The following NCKIPSD variants were observed in gnomAD, a reference collection of about 807,000 sequenced individuals.
NCKIPSD encodes the protein NCK-interacting protein with SH3 domain.
NCKIPSD carries 48 observed loss-of-function variants against 73.4 expected under a neutral mutation model. The ratio of observed to expected loss-of-function variants is 0.65; its 90% CI spans 0.52 to 0.83. NCKIPSD has a LOEUF of 0.83. Ranked by LOEUF, NCKIPSD falls within the 40% of genes least tolerant of loss-of-function variation. The probability of loss-of-function intolerance (pLI) is 0.00; values close to 1 mark genes in which losing one functional copy is unlikely to be tolerated. For missense variants in NCKIPSD, 884 were observed against 970.2 expected, an observed-to-expected ratio of 0.91 and a Z score of 1.18; for synonymous variants, 422 against 403.6, an observed-to-expected ratio of 1.05 and a Z score of -0.54.
chr3:48,674,611 T>G lies in NCKIPSD; in HGVS notation c.2102A>C (p.Gln701Pro), dbSNP rs1436154698. Residue 701 changes from glutamine (Q) to proline (P), a missense_variant, in exon 13 of 13, where the codon CAG becomes CCG. Physicochemically the swap from Gln to Pro is moderately conservative, Grantham distance 76. Transcript: ENST00000294129. ...CTCTCGGACAATCATGCGGTCCATCTGGCACTGGGGTGAGGTCTCCTCCTC... is the reference window on the plus strand; with the variant it reads ...CTCTCGGACAATCATGCGGTCCATCGGGCACTGGGGTGAGGTCTCCTCCTC... ...LNEEETSPQC[Q>P]MDRMIVREMC... 1 of 1,612,264 alleles carries G rather than the reference T, an allele frequency of 6.2e-7. No homozygotes were observed. The highest frequency in any genetic ancestry group is 1.1e-5 in the South Asian group (1 of 90,500).
At chr3:48,682,314 C>T (rs2077367911) in intron 3 of NCKIPSD, 34 bp downstream of exon 3, 2 of 1,610,204 alleles carry the variant, frequency 1.2e-6, no homozygotes, top group Admixed American at 1.7e-5. Context: ...AAGTTCCACC[C>T]ACCTCCCTTC....
rs948219546 is a variant in NCKIPSD at position 48,685,683 on chromosome 3, C to G, written c.125G>C (p.Ser42Thr). ...AHWWLAARAR[S>T]GETGYVPPAY... Reference sequence around the variant, plus strand: ...TGGCGGCACGTAGCCCGTCTCACCACTGCGCGCCCGCGCGGCCAGCCACCA... The same window carrying G: ...TGGCGGCACGTAGCCCGTCTCACCAGTGCGCGCCCGCGCGGCCAGCCACCA... The change falls in exon 1 of 13, where the codon AGT (serine) becomes ACT (threonine). Residue 42 changes from serine to threonine, a missense_variant. Physicochemically the swap from Ser to Thr is moderately conservative, Grantham distance 58 (BLOSUM62 1). Transcript: ENST00000294129. 2 of 1,526,242 alleles carry G rather than the reference C, an allele frequency of 1.3e-6. No homozygotes were observed. The allele number at this position is 1,526,242 out of a possible 1,614,324, so 94.5% of individuals were successfully genotyped here. A position where few individuals can be genotyped will look rare whatever the true frequency, so the allele number is the denominator to read the frequency against.
At chr3:48,675,528 G>GAC (rs2077240323) in intron 12 of NCKIPSD, among the ~76,000 whole-genome samples, 1 of 122,300 alleles carries the variant, frequency 8.2e-6, no homozygotes, top group Non-Finnish European at 1.6e-5. Context: ...ATATATATAT[G>GAC]ATATATATAT....
intron 1 of NCKIPSD, 123 bp from the exon 2 acceptor site, chr3:48,683,135 T>G: frequency 6.6e-7 from 1 of 1,504,398 alleles, no homozygotes; most frequent in South Asian, 1.2e-5. Context: ...ATGCTAGACA[T>G]AGCACAAAAA....
At chr3:48,679,286 G>C in intron 9 of NCKIPSD, 91 bp downstream of exon 9, 1 of 1,611,810 alleles carries the variant, frequency 6.2e-7, no homozygotes. Context: ...GCCTCTCCCT[G>C]CTAGGCTGTG....
At position 48,678,623 on chromosome 3, in the gene NCKIPSD, T is replaced by C. The variant is rs1353964590; in HGVS notation, c.1906A>G (p.Met636Val). Residue 636 changes from methionine (M) to valine (V), a missense_variant, in exon 12 of 13, where the codon ATG (methionine) becomes GTG (valine). Transcript: ENST00000294129. ...ACAGTGATGTCAATGAGAGCCATCA[T>C]GTCTGTGTGGTAGAAGATGGCAGCT... Reference protein sequence around the residue: ...ATAAIFYHTDMMALIDITVRH... With the variant: ...ATAAIFYHTDVMALIDITVRH... The C allele has an allele frequency of 4.3e-6, 7 of 1,614,084 alleles. No individual in the cohort carries two copies. Among genetic ancestry groups the C allele is most frequent in the East Asian group, 2.2e-5 (1 of 44,890 alleles).
At position 48,682,507 on chromosome 3, in the gene NCKIPSD, A is replaced by C; in HGVS notation, c.327T>G (p.Pro109=). The change falls in exon 3 of 13, where the codon CCT becomes CCG. Residue 109 remains proline (P), a synonymous_variant. Coordinates refer to ENST00000294129, the MANE Select transcript of NCKIPSD (RefSeq NM_016453.4). Reference sequence around the variant, plus strand: ...TCATAACTGCAACACTGGAGGCTGAAGGGCCTCTGCGTGACAGGGTCTCTT... The same window carrying C: ...TCATAACTGCAACACTGGAGGCTGACGGGCCTCTGCGTGACAGGGTCTCTT... ...HRKETLSRRG[P]SASSVAVMTS... 1 of 1,614,162 alleles carries C rather than the reference A, an allele frequency of 6.2e-7. No homozygotes were observed. The highest frequency in any genetic ancestry group is 8.5e-7 in the Non-Finnish European group (1 of 1,180,002).
intron 6 of NCKIPSD, 84 bp from the exon 7 acceptor site, chr3:48,679,971 AG>A (rs2077324198): frequency 1.2e-6 from 2 of 1,610,730 alleles, no homozygotes; most frequent in Non-Finnish European, 1.7e-6. Flanking sequence ...ACATATGTGT[AG>A]GGGAGACTCC....
In NCKIPSD at chr3:48,681,388, A is replaced by G; in HGVS notation, c.991T>C (p.Cys331Arg). 1 of 1,612,476 alleles carries G rather than the reference A, an allele frequency of 6.2e-7. No homozygotes were observed. Among genetic ancestry groups the G allele is most frequent in the South Asian group, 1.1e-5 (1 of 91,024 alleles). ...ACTATGATGCCGATGGCCACCCGGC[A>G]TAATTCGTGGCTCAGGCCAGTGTTT... ...RRNTGLSHEL[C>R]RVAIGIIVGH... The change falls in exon 5 of 13, where the codon TGC (cysteine) becomes CGC (arginine). Residue 331 changes from cysteine (C) to arginine (R), a missense_variant. By Grantham distance (180) the Cys-to-Arg change is radical. Transcript: ENST00000294129.
At chr3:48,678,507 C>T (rs2077290103) in intron 12 of NCKIPSD, 57 bp downstream of exon 12, 4 of 1,534,728 alleles carry the variant, frequency 2.6e-6, no homozygotes, top group South Asian at 2.5e-5. Flanking sequence ...ATGCCCCCCA[C>T]CATTTTGTTT....
chr3:48,681,817 C>G (rs1392124997), intron 4 of NCKIPSD, 37 bp from the exon 5 acceptor site: 2 of 1,462,222 alleles, frequency 1.4e-6, no homozygotes, highest in Non-Finnish European at 1.8e-6. Flanking sequence ...CAGGGCAGCC[C>G]CCTGGAAAAC....
intron 4 of NCKIPSD, 73 bp downstream of exon 4, chr3:48,681,972 C>T: frequency 6.5e-7 from 1 of 1,535,368 alleles, no homozygotes; most frequent in Non-Finnish European, 8.8e-7. Flanking sequence ...CCTCCATTTC[C>T]CTGACACAGG....
At chr3:48,684,096 C>T (rs554927588) in intron 1 of NCKIPSD, among the ~76,000 whole-genome samples, 1 of 151,840 alleles carries the variant, frequency 6.6e-6, no homozygotes, top group Non-Finnish European at 1.5e-5. Context: ...AGGGAAACAA[C>T]GCAGAAAGAA....
At chr3:48,683,647 T>C (rs1387908478) in intron 1 of NCKIPSD, among the ~76,000 whole-genome samples, 1 of 152,130 alleles carries the variant, frequency 6.6e-6, no homozygotes, top group Non-Finnish European at 1.5e-5. Flanking sequence ...TGGCAAAGGA[T>C]AAACATGAGA....
intron 12 of NCKIPSD, among the ~76,000 whole-genome samples, chr3:48,675,381 T>C (rs1363654031): frequency 3.3e-5 from 5 of 151,550 alleles, no homozygotes; most frequent in Non-Finnish European, 7.4e-5. Flanking sequence ...AAGCCATGTC[T>C]AAGACCTGGC....
rs2077217758 is a variant in NCKIPSD, at chr3:48,674,253, A to AGT, written c.*289_*290dup. ...AGCCTGGAGCGGCAGCAGGACTCTG[A>AGT]GTGTACACATGGGTGTGGGGTGAAG... On this transcript the variant is annotated 3_prime_UTR_variant, in exon 13 of 13. Coordinates refer to ENST00000294129, the MANE Select transcript of NCKIPSD (RefSeq NM_016453.4). 3.9e-6 allele frequency: 5 copies of AGT among 1,296,976 alleles called. No homozygotes were observed. The highest frequency in any genetic ancestry group is 4.9e-6 in the Non-Finnish European group (5 of 1,013,188). The allele number at this position is 1,296,976 out of a possible 1,614,324, so 80.3% of individuals were successfully genotyped here.
In NCKIPSD at chr3:48,673,930, GAA is replaced by G. The variant is rs1289336920; in HGVS notation, c.*612_*613del. On this transcript the variant is annotated 3_prime_UTR_variant, in exon 13 of 13. Transcript: ENST00000294129. ...GCTTTTCAGTCTACATTTTTACAGA[GAA>G]AAGAGATTCGGTCATTGGCTTTCTC... The G allele has an allele frequency of 4.0e-5, 43 of 1,063,088 alleles. No individual in the cohort carries two copies. The highest frequency in any genetic ancestry group is 5.1e-5 in the East Asian group (1 of 19,654). 65.9% of individuals were successfully genotyped at this position (1,063,088 alleles called of 1,614,324 possible).
chr3:48,674,817 C>T lies in NCKIPSD; in HGVS notation c.1966-70G>A, dbSNP rs1008558350. 5 of 1,483,876 alleles carry T rather than the reference C, an allele frequency of 3.4e-6. No individual in the cohort carries two copies. In the African/African-American group the frequency reaches 5.5e-5, roughly 16 times the overall value. 91.9% of individuals were successfully genotyped at this position (1,483,876 alleles called of 1,614,324 possible). ...CAACCACCACTGGACAGGGACAGGA[C>T]CCCACTGTCCCACAGACCCCAGGGC... On this transcript the variant is annotated intron_variant, in intron 12 of 12. Coordinates refer to ENST00000294129, the MANE Select transcript of NCKIPSD (RefSeq NM_016453.4).
chr3:48,678,701 G>A lies in NCKIPSD; in HGVS notation c.1828C>T (p.Pro610Ser), dbSNP rs140183576. Residue 610 changes from proline (P) to serine (S), a missense_variant, in exon 12 of 13, where the codon CCA becomes TCA. Pro to Ser is a moderately conservative substitution (Grantham distance 74). Coordinates refer to ENST00000294129, the MANE Select transcript of NCKIPSD (RefSeq NM_016453.4). ...AGGAACTTGAGGACAGAGTGTGGTG[G>A]CTGTGGCTCATGTTTGAAGATGCGC... Reference protein sequence around the residue: ...PVRIFKHEPQPPHSVLKFLQD... With the variant: ...PVRIFKHEPQSPHSVLKFLQD... 1 of 1,614,114 alleles carries A rather than the reference G, an allele frequency of 6.2e-7. No homozygotes were observed. Among genetic ancestry groups the A allele is most frequent in the South Asian group, 1.1e-5 (1 of 91,070 alleles).
Sources: gnomAD v4.1 joint callset for allele counts (sites outside exome capture counted in the v4.1 genomes callset) on GRCh38, gnomAD v4.1.1 for gene constraint, MANE v1.5 for transcripts, NCBI Gene and HGNC (gene_info 2026-07-23, HGNC 2026-07-21) for gene names.